GORASP2: variants seen among roughly 807,000 people sequenced by gnomAD.
The protein encoded by GORASP2 is Golgi reassembly-stacking protein 2.
Under a neutral mutation model 45.7 loss-of-function variants are expected in GORASP2, and 22 were observed. That is an observed-to-expected ratio of 0.48 (90% confidence interval 0.34 to 0.69). The LOEUF (loss-of-function observed/expected upper bound fraction) is 0.69. GORASP2 is among the 30% of genes least tolerant of loss of function. The pLI, the probability that GORASP2 is intolerant of heterozygous loss-of-function variation, is 0.01. For synonymous variants in GORASP2, 221 were observed against 215.6 expected (o/e 1.02, Z -0.22); for missense variants, 491 against 562.7 (o/e 0.87, Z 1.29).
chr2:170,944,260 G>A (rs768175418), intron 1 of GORASP2, among the ~76,000 whole-genome samples: 11 of 152,150 alleles, frequency 7.2e-5, no homozygotes, highest in Non-Finnish European at 1.5e-4. Flanking sequence ...CTATGTTGTA[G>A]ATCATATTTT....
chr2:170,956,997 C>T (rs1395505897), intron 7 of GORASP2, among the ~76,000 whole-genome samples: 1 of 152,152 alleles, frequency 6.6e-6, no homozygotes, highest in Non-Finnish European at 1.5e-5. Flanking sequence ...TGCATATGTA[C>T]TCTGTGTTGA....
At position 170,962,962 on chromosome 2, in the gene GORASP2, C is replaced by T; in HGVS notation, c.1018+16C>T. ...GTAAACCCAGGTATGTTGCAGATCTCACCCTCCTAGGACTCTCTCTAATAA... is the reference window on the plus strand; with the variant it reads ...GTAAACCCAGGTATGTTGCAGATCTTACCCTCCTAGGACTCTCTCTAATAA... On this transcript the variant is annotated intron_variant, in intron 9 of 9. Coordinates refer to ENST00000234160, the MANE Select transcript of GORASP2 (RefSeq NM_015530.5). 1 of 1,523,100 alleles carries T rather than the reference C, an allele frequency of 6.6e-7. No individual in the cohort carries two copies. Among genetic ancestry groups the T allele is most frequent in the Non-Finnish European group, 9.1e-7 (1 of 1,096,966 alleles). 94.3% of individuals were successfully genotyped at this position (1,523,100 alleles called of 1,614,324 possible).
At position 170,949,929 on chromosome 2, in the gene GORASP2, A is replaced by G. The variant is rs1575474879; in HGVS notation, c.348+187A>G. ...TTTTTAAGTTGAGGAAGAGAAGCAAATGTACAAGTTTAAGAACTTTTTCTA... is the reference window on the plus strand; with the variant it reads ...TTTTTAAGTTGAGGAAGAGAAGCAAGTGTACAAGTTTAAGAACTTTTTCTA... On this transcript the variant is annotated intron_variant, in intron 3 of 9. Transcript: ENST00000234160. The G allele has an allele frequency of 5.2e-6, 3 of 581,368 alleles. No homozygotes were observed. The East Asian group carries it at 8.4e-5, about 16-fold the overall frequency. 36.0% of individuals were successfully genotyped at this position (581,368 alleles called of 1,614,324 possible).
chr2:170,951,074 C>T (rs1217013656), intron 4 of GORASP2, among the ~76,000 whole-genome samples: 3 of 152,084 alleles, frequency 2.0e-5, no homozygotes, highest in Admixed American at 2.0e-4. Flanking sequence ...ATGTAGAACT[C>T]GGGTGTAAAA....
At chr2:170,951,225 A>T (rs1334266130) in intron 4 of GORASP2, 103 bp from the exon 5 acceptor site, 9 of 859,840 alleles carry the variant, frequency 1.0e-5, no homozygotes, top group Non-Finnish European at 1.3e-5. Context: ...CAGAATCTGT[A>T]TTTTTTTCTT....
At chr2:170,958,404 A>T (rs1704477136) in intron 7 of GORASP2, among the ~76,000 whole-genome samples, 1 of 152,188 alleles carries the variant, frequency 6.6e-6, no homozygotes, top group Non-Finnish European at 1.5e-5. Context: ...TGCTTCCTAG[A>T]TGAAATTAAG....
At chr2:170,938,011 A>T (rs1431264030) in intron 1 of GORASP2, among the ~76,000 whole-genome samples, 4 of 152,248 alleles carry the variant, frequency 2.6e-5, no homozygotes, top group Non-Finnish European at 5.9e-5. Context: ...AAAAGTGCAG[A>T]TAATAGCAGA....
At chr2:170,957,411 G>A (rs1051978508) in intron 7 of GORASP2, among the ~76,000 whole-genome samples, 5 of 152,160 alleles carry the variant, frequency 3.3e-5, no homozygotes, top group African/African-American at 1.2e-4. Flanking sequence ...CAAGTGGCAG[G>A]GATTACAGGC....
chr2:170,951,602 T>C, intron 5 of GORASP2, 144 bp downstream of exon 5: 1 of 631,638 alleles, frequency 1.6e-6, no homozygotes, highest in Non-Finnish European at 2.6e-6. Context: ...TAGTCTAGAA[T>C]ATTGAAACCA....
chr2:170,928,784 G>A (rs2105305863), upstream of GORASP2: 1 of 152,410 alleles, frequency 6.6e-6, no homozygotes, highest in East Asian at 1.9e-4. Flanking sequence ...ATTTAGCTGA[G>A]CAGATGCTAG....
chr2:170,964,892 ATTTTT>A (rs1199571345), intron 9 of GORASP2, among the ~76,000 whole-genome samples: 57 of 64,700 alleles, frequency 8.8e-4, no homozygotes, highest in African/African-American at 3.2e-3. Flanking sequence ...ATGCATTTTA[ATTTTT>A]TTTTTTTTTT....
At chr2:170,958,645 CA>C (rs1278379507) in intron 7 of GORASP2, among the ~76,000 whole-genome samples, 3 of 147,036 alleles carry the variant, frequency 2.0e-5, no homozygotes, top group East Asian at 4.0e-4. Flanking sequence ...AGCGTGTTTC[CA>C]GATGCTCTTT....
intron 7 of GORASP2, among the ~76,000 whole-genome samples, chr2:170,957,466 C>T (rs1250399057): frequency 2.0e-5 from 3 of 151,990 alleles, no homozygotes; most frequent in African/African-American, 7.2e-5. Flanking sequence ...TTAGTAGAGA[C>T]GGTTTCGCCA....
At chr2:170,946,378 T>A (rs1327012269) in intron 1 of GORASP2, among the ~76,000 whole-genome samples, 3 of 152,076 alleles carry the variant, frequency 2.0e-5, no homozygotes, top group Non-Finnish European at 4.4e-5. Context: ...GGAAAAAAAA[T>A]GTGGAGTGGA....
intron 1 of GORASP2, among the ~76,000 whole-genome samples, chr2:170,935,638 T>G (rs888926228): frequency 2.7e-4 from 40 of 150,098 alleles, no homozygotes; most frequent in South Asian, 2.1e-4. Flanking sequence ...AGTAGCACAG[T>G]CTCCACTCAC....
At chr2:170,958,984 G>T (rs1704491686) in intron 7 of GORASP2, among the ~76,000 whole-genome samples, 1 of 151,298 alleles carries the variant, frequency 6.6e-6, no homozygotes, top group Non-Finnish European at 1.5e-5. Flanking sequence ...TTTTGAGGCA[G>T]AGTTTCACTC....
At chr2:170,961,541 A>G (rs981449084) in intron 7 of GORASP2, 122 bp from the exon 8 acceptor site, 1 of 708,328 alleles carries the variant, frequency 1.4e-6, no homozygotes, top group Non-Finnish European at 2.6e-6. Context: ...GCAGCTGGAA[A>G]TCGGGACCAA....
chr2:170,956,643 G>A, intron 7 of GORASP2, 84 bp downstream of exon 7: 4 of 1,185,858 alleles, frequency 3.4e-6, no homozygotes, highest in Non-Finnish European at 4.7e-6. Context: ...AGACACAGTG[G>A]CTCACACCTG....
At chr2:170,962,055 A>G (rs1170779479) in intron 8 of GORASP2, among the ~76,000 whole-genome samples, 1 of 152,228 alleles carries the variant, frequency 6.6e-6, no homozygotes, top group African/African-American at 2.4e-5. Flanking sequence ...GAATCTGCAG[A>G]AGTCCATTCT....
Sources: gnomAD v4.1 joint callset for allele counts (sites outside exome capture counted in the v4.1 genomes callset) on GRCh38, gnomAD v4.1.1 for gene constraint, MANE v1.5 for transcripts, NCBI Gene and HGNC (gene_info 2026-07-23, HGNC 2026-07-21) for gene names.